Variants in BCL2 observed in about 807,000 individuals in gnomAD.
BCL2 encodes the protein BCL2 apoptosis regulator, also known as apoptosis regulator Bcl-2.
In BCL2, 1 loss-of-function variant was observed where a neutral mutation model predicts 14.2. The ratio of observed to expected loss-of-function variants is 0.07; its 90% confidence interval spans 0.02 to 0.33. The LOEUF (loss-of-function observed/expected upper bound fraction) is 0.33, where lower values mean the gene tolerates loss of function less well. Ranked by LOEUF, BCL2 falls within the 10% of genes least tolerant of loss-of-function variation. BCL2 has a pLI of 0.99. For missense variants in BCL2, 247 were observed against 305.9 expected (o/e 0.81, Z 1.44); for synonymous variants, 151 against 137.2 (o/e 1.10, Z -0.70).
At chr18:63,311,636 A>G (rs1913322856) in intron 2 of BCL2, among the ~76,000 whole-genome samples, 1 of 152,172 alleles carries the variant, frequency 6.6e-6, no homozygotes, top group Admixed American at 6.5e-5. Context: ...TAAAAATGGA[A>G]TACGCTTCTA....
chr18:63,319,061 G>T, intron 1 of BCL2, 109 bp from the exon 2 acceptor site: 1 of 1,085,652 alleles, frequency 9.2e-7, no homozygotes, highest in Non-Finnish European at 1.1e-6. Flanking sequence ...CGGCTAAAAA[G>T]AATGTATTAA....
intron 2 of BCL2, among the ~76,000 whole-genome samples, chr18:63,171,648 A>G (rs1439278538): frequency 6.6e-6 from 1 of 152,228 alleles, no homozygotes; most frequent in South Asian, 2.1e-4. Context: ...GCTAGTCCAT[A>G]TATGGTAAAT....
Position 63,123,609 on chromosome 18 carries a change from T to C in BCL2, c.*5016A>G, listed in dbSNP as rs1913832015. ...GAAGGTAAAAGTATGAAAATCTTGA[T>C]AACAAAAGCTTTCAATACAAAAACA... On this transcript the variant is annotated 3_prime_UTR_variant, in exon 3 of 3. Coordinates refer to ENST00000333681, the MANE Select transcript of BCL2 (RefSeq NM_000633.3). 1 of 210,744 alleles carries C rather than the reference T, an allele frequency of 4.7e-6. No individual in the cohort carries two copies. Among genetic ancestry groups the C allele is most frequent in the East Asian group, 7.2e-5 (1 of 13,928 alleles). The allele number at this position is 210,744 out of a possible 1,614,324, so 13.1% of individuals were successfully genotyped here. A position where few individuals can be genotyped will look rare whatever the true frequency, so the allele number is the denominator to read the frequency against.
intron 2 of BCL2, among the ~76,000 whole-genome samples, chr18:63,192,069 TC>T: frequency 6.6e-6 from 1 of 152,360 alleles, no homozygotes; most frequent in South Asian, 2.1e-4. Flanking sequence ...ACAGGCATGG[TC>T]CCTGCTTTCA....
intron 2 of BCL2, among the ~76,000 whole-genome samples, chr18:63,147,169 C>T (rs1034927942): frequency 6.6e-6 from 1 of 152,182 alleles, no homozygotes; most frequent in Non-Finnish European, 1.5e-5. Context: ...AGTGTCGACG[C>T]ACCCTTTCTC....
chr18:63,155,076 A>G (rs1048813354), intron 2 of BCL2, among the ~76,000 whole-genome samples: 1 of 152,192 alleles, frequency 6.6e-6, no homozygotes. Context: ...TCTGAGCCTC[A>G]ACTTATTCAT....
chr18:63,264,917 G>A (rs972046825), intron 2 of BCL2, among the ~76,000 whole-genome samples: 1 of 36 alleles, frequency 0.028, no homozygotes, highest in Non-Finnish European at 0.062. Context: ...AGGCCTCTGT[G>A]GCAAGGGGCT....
At chr18:63,244,447 T>C (rs1299748538) in intron 2 of BCL2, among the ~76,000 whole-genome samples, 1 of 152,032 alleles carries the variant, frequency 6.6e-6, no homozygotes, top group Non-Finnish European at 1.5e-5. Context: ...TAATTCCTGC[T>C]ACTCAGGAGG....
intron 2 of BCL2, among the ~76,000 whole-genome samples, chr18:63,235,128 T>C (rs961046711): frequency 1.4e-5 from 2 of 138,768 alleles, no homozygotes; most frequent in Non-Finnish European, 3.1e-5. Context: ...CTGAAACAAC[T>C]ATCAGATTGG....
chr18:63,182,671 T>C (rs1238264549), intron 2 of BCL2, among the ~76,000 whole-genome samples: 1 of 152,178 alleles, frequency 6.6e-6, no homozygotes, highest in Non-Finnish European at 1.5e-5. Context: ...AATTAGACCA[T>C]AAAACAGGCT....
chr18:63,166,853 G>A (rs1915058680), intron 2 of BCL2, among the ~76,000 whole-genome samples: 1 of 152,224 alleles, frequency 6.6e-6, no homozygotes, highest in Non-Finnish European at 1.5e-5. Flanking sequence ...GTTGACTGAT[G>A]TACTTCCCTC....
At chr18:63,221,037 T>C (rs1910378398) in intron 2 of BCL2, among the ~76,000 whole-genome samples, 1 of 152,206 alleles carries the variant, frequency 6.6e-6, no homozygotes, top group South Asian at 2.1e-4. Flanking sequence ...CTTGGTGTCT[T>C]GATAACCTGG....
intron 2 of BCL2, among the ~76,000 whole-genome samples, chr18:63,281,960 G>A (rs1192308194): frequency 2.0e-5 from 3 of 152,154 alleles, no homozygotes; most frequent in African/African-American, 7.2e-5. Flanking sequence ...AACAATTTCA[G>A]TAAGTTATTT....
chr18:63,266,637 T>TCA (rs1240438012), intron 2 of BCL2, among the ~76,000 whole-genome samples: 158 of 85,988 alleles, frequency 1.8e-3, no homozygotes, highest in African/African-American at 4.0e-3. Context: ...TCTCTCTCTC[T>TCA]CACACACACA....
intron 2 of BCL2, among the ~76,000 whole-genome samples, chr18:63,212,166 A>C (rs1333580713): frequency 2.0e-5 from 3 of 151,296 alleles, no homozygotes; most frequent in Admixed American, 1.3e-4. Flanking sequence ...TCTCTACTAA[A>C]AATACAAAAA....
intron 2 of BCL2, among the ~76,000 whole-genome samples, chr18:63,311,899 T>C (rs1468427195): frequency 6.6e-6 from 1 of 152,222 alleles, no homozygotes; most frequent in Non-Finnish European, 1.5e-5. Flanking sequence ...GTCCTTACCC[T>C]AAGCTATTTT....
At chr18:63,312,380 G>A (rs1461579180) in intron 2 of BCL2, among the ~76,000 whole-genome samples, 1 of 152,200 alleles carries the variant, frequency 6.6e-6, no homozygotes, top group African/African-American at 2.4e-5. Flanking sequence ...ACAGATGGGT[G>A]TATCTTTTGT....
At chr18:63,177,240 G>A (rs1915372051) in intron 2 of BCL2, among the ~76,000 whole-genome samples, 1 of 152,172 alleles carries the variant, frequency 6.6e-6, no homozygotes, top group Non-Finnish European at 1.5e-5. Flanking sequence ...AAAGTCTTTA[G>A]TGGATTGCTG....
At chr18:63,210,727 CT>C (rs1909975704) in intron 2 of BCL2, among the ~76,000 whole-genome samples, 2 of 152,004 alleles carry the variant, frequency 1.3e-5, no homozygotes, top group South Asian at 2.1e-4. Flanking sequence ...CCTTTCAGTT[CT>C]TTTTTTTCCA....
Sources: allele counts gnomAD v4.1 joint callset (sites outside exome capture counted in the v4.1 genomes callset), GRCh38; gene constraint gnomAD v4.1.1; transcripts MANE v1.5; gene names NCBI Gene and HGNC (gene_info 2026-07-23, HGNC 2026-07-21).